Variants in PAPPA2 observed in about 807,000 individuals in gnomAD.
PAPPA2 encodes the protein pappalysin-2.
A neutral mutation model predicts 176.4 loss-of-function variants in PAPPA2; 86 were observed. The observed-to-expected ratio is 0.49, with a 90% CI of 0.41 to 0.58. The LOEUF is 0.58. Ranked by LOEUF, PAPPA2 falls within the 20% of genes least tolerant of loss-of-function variation. The pLI is 0.00. For synonymous variants in PAPPA2, 809 were observed against 852.2 expected (o/e 0.95, Z 0.88); for missense variants, 2,073 against 2,256.9 (o/e 0.92, Z 1.65).
At chr1:176,778,885 A>G (rs918695383) in intron 17 of PAPPA2, among the ~76,000 whole-genome samples, 1 of 152,162 alleles carries the variant, frequency 6.6e-6, no homozygotes, top group Non-Finnish European at 1.5e-5. Flanking sequence ...ATTGTAGGAT[A>G]ATGTGTGCTT....
In PAPPA2 at chr1:176,709,994, C is replaced by G. The variant is rs901814317; in HGVS notation, c.3469C>G (p.Leu1157Val). 12 of 1,603,710 alleles carry G rather than the reference C, an allele frequency of 7.5e-6. No individual in the cohort carries two copies. Among genetic ancestry groups the G allele is most frequent in the South Asian group, 3.4e-5 (3 of 88,834 alleles). ...EGFNCVGEPSLCYMYEGDGIC... is the reference protein window; with the variant it reads ...EGFNCVGEPSVCYMYEGDGIC... Reference sequence around the variant, plus strand: ...ATATTTCTTGGCAGGAGAGCCAAGCCTTTGCTACATGTATGAGGGAGATGG... The same window carrying G: ...ATATTTCTTGGCAGGAGAGCCAAGCGTTTGCTACATGTATGAGGGAGATGG... The change falls in exon 11 of 23, where the codon CTT becomes GTT. Residue 1157 changes from leucine (L) to valine (V), a missense_variant. Leu to Val is a conservative substitution (Grantham distance 32, BLOSUM62 1). This residue lies in a region of PAPPA2 where 846 missense variants were observed against 857.9 expected (regional missense o/e 0.99). Transcript: ENST00000367662.
chr1:176,587,889 T>G (rs1430551751), intron 2 of PAPPA2, among the ~76,000 whole-genome samples: 1 of 152,220 alleles, frequency 6.6e-6, no homozygotes, highest in Non-Finnish European at 1.5e-5. Context: ...GAAATTAAAG[T>G]ATAATAATAA....
At chr1:176,758,349 G>T (rs750190374) in intron 14 of PAPPA2, among the ~76,000 whole-genome samples, 5 of 152,162 alleles carry the variant, frequency 3.3e-5, no homozygotes, top group Non-Finnish European at 7.4e-5. Context: ...GAAGCAGAAT[G>T]GGGAGTCAGA....
chr1:176,681,387 A>G (rs562712059), intron 4 of PAPPA2, among the ~76,000 whole-genome samples: 1 of 152,270 alleles, frequency 6.6e-6, no homozygotes, highest in Non-Finnish European at 1.5e-5. Context: ...TGTGGGAGGA[A>G]ACTTGAACCT....
Position 176,555,599 on chromosome 1 carries a change from C to T in PAPPA2, c.-724C>T, listed in dbSNP as rs1651230501. Reference sequence around the variant, plus strand: ...AAGGAAACATTCTAACCTTCACAGACAGACTGGAGGCTGGATGGGGACCTG... The same window carrying T: ...AAGGAAACATTCTAACCTTCACAGATAGACTGGAGGCTGGATGGGGACCTG... On this transcript the variant is annotated 5_prime_UTR_variant, in exon 2 of 23. Coordinates refer to ENST00000367662, the MANE Select transcript of PAPPA2 (RefSeq NM_020318.3). 1 of 152,260 alleles carries T rather than the reference C, an allele frequency of 6.6e-6. No individual in the cohort carries two copies. Among genetic ancestry groups the T allele is most frequent in the Non-Finnish European group, 1.5e-5 (1 of 68,068 alleles). The allele number at this position is 152,260 out of a possible 1,614,324, so 9.4% of individuals were successfully genotyped here. A position where few individuals can be genotyped will look rare whatever the true frequency, so the allele number is the denominator to read the frequency against.
intron 3 of PAPPA2, among the ~76,000 whole-genome samples, chr1:176,660,659 T>G (rs964995272): frequency 3.3e-5 from 5 of 152,068 alleles, no homozygotes; most frequent in African/African-American, 9.7e-5. Flanking sequence ...TCATGAGAGA[T>G]CTATCCAATA....
At chr1:176,576,705 T>C (rs1397821512) in intron 2 of PAPPA2, among the ~76,000 whole-genome samples, 1 of 152,226 alleles carries the variant, frequency 6.6e-6, no homozygotes, top group Non-Finnish European at 1.5e-5. Flanking sequence ...TTTCTCCTGA[T>C]AGTCTATTGG....
At chr1:176,686,350 A>T (rs1659840236) in intron 4 of PAPPA2, among the ~76,000 whole-genome samples, 1 of 152,176 alleles carries the variant, frequency 6.6e-6, no homozygotes, top group African/African-American at 2.4e-5. Flanking sequence ...AGACACTTAT[A>T]AAACTATGAG....
intron 12 of PAPPA2, among the ~76,000 whole-genome samples, chr1:176,714,888 A>G (rs1661300341): frequency 6.6e-6 from 1 of 152,172 alleles, no homozygotes; most frequent in African/African-American, 2.4e-5. Context: ...AAAACTTTAT[A>G]ATAAATATTT....
intron 3 of PAPPA2, among the ~76,000 whole-genome samples, chr1:176,623,821 C>CTTTCTCTCTTCTTTCTTTCT (rs1341133601): frequency 2.1e-5 from 1 of 48,112 alleles, no homozygotes; most frequent in South Asian, 8.7e-4. Flanking sequence ...TTTCTTTCTT[C>CTTTCTCTCTTCTTTCTTTCT]TCTCTCTCTC....
intron 3 of PAPPA2, among the ~76,000 whole-genome samples, chr1:176,625,390 A>G (rs2102700099): frequency 6.6e-6 from 1 of 152,288 alleles, no homozygotes; most frequent in Admixed American, 6.5e-5. Context: ...ATTAGACCTC[A>G]TGTCTCATTC....
At chr1:176,522,006 C>A (rs1649239756) in intron 1 of PAPPA2, among the ~76,000 whole-genome samples, 1 of 152,118 alleles carries the variant, frequency 6.6e-6, no homozygotes, top group South Asian at 2.1e-4. Context: ...GAAGACTCCC[C>A]AACATTACTA....
chr1:176,751,108 C>G (rs541711003), intron 14 of PAPPA2, among the ~76,000 whole-genome samples: 1 of 151,806 alleles, frequency 6.6e-6, no homozygotes, highest in Non-Finnish European at 1.5e-5. Context: ...ATCCTTTCCC[C>G]ATTGCTTGTT....
rs550819377 is a variant in PAPPA2, at chr1:176,577,369, A to G, written c.920-17155A>G. On this transcript the variant is annotated intron_variant, in intron 2 of 22. Coordinates refer to ENST00000367662, the MANE Select transcript of PAPPA2 (RefSeq NM_020318.3). ...GGAATCTCCTCTCCTGTTTTCTAGT[A>G]TCCTTGCACATGAAAGCATGACTAT... 3.3e-5 allele frequency among the ~76,000 whole-genome samples: 5 copies of G among 152,246 alleles called. No individual in the cohort carries two copies. The South Asian group carries it at 1.0e-3, about 32-fold the overall frequency.
intron 17 of PAPPA2, among the ~76,000 whole-genome samples, chr1:176,785,716 C>G (rs1042043229): frequency 6.6e-6 from 1 of 152,110 alleles, no homozygotes; most frequent in African/African-American, 2.4e-5. Flanking sequence ...TGTCTGGGTG[C>G]CATGATGGAA....
intron 17 of PAPPA2, among the ~76,000 whole-genome samples, chr1:176,773,849 A>G (rs899473141): frequency 2.0e-5 from 3 of 152,160 alleles, no homozygotes; most frequent in African/African-American, 7.2e-5. Flanking sequence ...TCAAGACAAA[A>G]GAATGATAAG....
chr1:176,785,312 C>T (rs1664887994), intron 17 of PAPPA2, among the ~76,000 whole-genome samples: 1 of 152,244 alleles, frequency 6.6e-6, no homozygotes, highest in Middle Eastern at 3.4e-3. Flanking sequence ...CAAAATGAGA[C>T]AGCCCTCACT....
chr1:176,591,517 A>C (rs1653664467), intron 2 of PAPPA2, among the ~76,000 whole-genome samples: 1 of 152,186 alleles, frequency 6.6e-6, no homozygotes, highest in South Asian at 2.1e-4. Flanking sequence ...TTCCATTGTT[A>C]TTAATTTCAG....
intron 1 of PAPPA2, among the ~76,000 whole-genome samples, chr1:176,523,378 A>G (rs919555367): frequency 3.9e-5 from 6 of 152,180 alleles, no homozygotes; most frequent in African/African-American, 1.4e-4. Flanking sequence ...CACATTTAAA[A>G]TGCCCAGAGA....
Sources: gnomAD v4.1 joint callset for allele counts (sites outside exome capture counted in the v4.1 genomes callset) on GRCh38, gnomAD v4.1.1 for gene constraint, gnomAD v4.1.1 regional missense constraint, MANE v1.5 for transcripts, NCBI Gene and HGNC (gene_info 2026-07-23, HGNC 2026-07-21) for gene names.